The following FAT1 variants were observed in gnomAD, a reference collection of about 807,000 sequenced individuals.
FAT1 encodes the protein FAT atypical cadherin 1.
Under a neutral mutation model 329.8 loss-of-function variants are expected in FAT1, and 171 were observed. The ratio of observed to expected loss-of-function variants is 0.52; its 90% CI spans 0.46 to 0.59. The LOEUF (loss-of-function observed/expected upper bound fraction) is 0.59, where lower values mean the gene tolerates loss of function less well. Among genes scored for constraint, FAT1 ranks in the 20% least tolerant of loss-of-function variants. FAT1 has a pLI of 0.00. For synonymous variants in FAT1, 2,233 were observed against 2,228.6 expected (o/e 1.00, Z -0.06); for missense variants, 5,672 against 5,774.4 (o/e 0.98, Z 0.57).
chr4:186,701,769 A>ATT (rs1305818141), intron 2 of FAT1, among the ~76,000 whole-genome samples: 1 of 152,254 alleles, frequency 6.6e-6, no homozygotes, highest in East Asian at 1.9e-4. Context: ...TATGAGGAAA[A>ATT]GGGTTTCTAA....
At chr4:186,629,535 G>A (rs894286951) in intron 7 of FAT1, among the ~76,000 whole-genome samples, 2 of 152,306 alleles carry the variant, frequency 1.3e-5, no homozygotes, top group African/African-American at 4.8e-5. Flanking sequence ...TTGGCACAGC[G>A]GAAATCACTG....
upstream of FAT1, among the ~76,000 whole-genome samples, chr4:186,725,366 A>G (rs1365162986): frequency 6.6e-6 from 1 of 152,176 alleles, no homozygotes; most frequent in African/African-American, 2.4e-5. The surrounding 1 kb of genome is among the most constrained non-coding windows in gnomAD (Gnocchi z 5.4). Flanking sequence ...CAGTAAAAAA[A>G]GTACAAAGAT....
Position 186,614,226 on chromosome 4 carries a change from G to A in FAT1, c.9194C>T (p.Ser3065Leu). ...ATTTAGTTTGAATTTTTCTGCACCT[G>A]AACCCAATAACGTGTAAGTAATTTC... ...NAEITYTLLG[S>L]GAEKFKLNPD... is the part of the protein sequence containing the mutation. The change falls in exon 12 of 27, where the codon TCA becomes TTA. Residue 3065 changes from serine (S) to leucine (L), a missense_variant. Ser to Leu is a moderately radical substitution (Grantham distance 145, BLOSUM62 -2). Around this residue, in one of 2 missense-constraint regions of FAT1, gnomAD observed 3,966 missense variants for 3,915.2 expected, o/e 1.01. Transcript: ENST00000441802. 6.2e-7 allele frequency: 1 copy of A among 1,600,724 alleles called. No individual in the cohort carries two copies. Among genetic ancestry groups the A allele is most frequent in the Non-Finnish European group, 8.5e-7 (1 of 1,175,902 alleles).
intron 7 of FAT1, among the ~76,000 whole-genome samples, chr4:186,631,776 C>T (rs1400002585): frequency 1.3e-5 from 2 of 152,070 alleles, no homozygotes; most frequent in Admixed American, 6.5e-5. Context: ...CCTAGTGTCT[C>T]GCCGCCCAGC....
intron 1 of FAT1, among the ~76,000 whole-genome samples, chr4:186,720,461 A>C (rs1745417805): frequency 6.6e-6 from 1 of 152,184 alleles, no homozygotes; most frequent in Non-Finnish European, 1.5e-5. Flanking sequence ...TCATCACACC[A>C]CAAGCCACAC....
chr4:186,611,245 A>C, intron 14 of FAT1, 141 bp downstream of exon 14: 1 of 681,292 alleles, frequency 1.5e-6, no homozygotes, highest in South Asian at 2.2e-5. Context: ...CCCACTGTAA[A>C]TAACTAAAAG....
intron 18 of FAT1, 114 bp downstream of exon 18, chr4:186,604,263 T>C: frequency 1.1e-6 from 1 of 897,804 alleles, no homozygotes; most frequent in East Asian, 2.5e-5. Flanking sequence ...ACAGCAATTC[T>C]ATGAAAGTTT....
In FAT1 at chr4:186,623,952, G is replaced by A. The variant is rs116468496; in HGVS notation, c.4811-2177C>T. On this transcript the variant is annotated intron_variant, in intron 9 of 26. Coordinates refer to ENST00000441802, the MANE Select transcript of FAT1 (RefSeq NM_005245.4). ...ACAAGGTTAAACAGGAACCCAGCTCGTGATGGGATACATGAATCCCACATC... is the reference window on the plus strand; with the variant it reads ...ACAAGGTTAAACAGGAACCCAGCTCATGATGGGATACATGAATCCCACATC... Among the ~76,000 whole-genome samples the A allele has an allele frequency of 2.8e-3, 428 of 152,278 alleles. 3 individuals are homozygous for A. Among genetic ancestry groups the A allele is most frequent in the African/African-American group, 9.6e-3 (400 of 41,556 alleles).
chr4:186,724,100 C>G (rs942441437), upstream of FAT1, among the ~76,000 whole-genome samples: 2 of 143,764 alleles, frequency 1.4e-5, no homozygotes, highest in Non-Finnish European at 3.0e-5. The surrounding 1 kb of genome is among the most constrained non-coding windows in gnomAD (Gnocchi z 5.3). Flanking sequence ...CTTGTGATGC[C>G]GAGGTTAGTT....
intron 1 of FAT1, among the ~76,000 whole-genome samples, chr4:186,714,995 G>A (rs1282338065): frequency 2.0e-5 from 3 of 152,030 alleles, no homozygotes; most frequent in African/African-American, 2.4e-5. Flanking sequence ...GGAGAATCGC[G>A]TGAACAAGGG....
In FAT1 at chr4:186,614,196, T is replaced by A. The variant is rs1044666514; in HGVS notation, c.9224A>T (p.Asp3075Val). The change falls in exon 12 of 27, where the codon GAC (aspartate) becomes GTC (valine). Residue 3075 changes from aspartate to valine, a missense_variant. Physicochemically the swap from Asp to Val is radical, Grantham distance 152 (BLOSUM62 -3). Transcript: ENST00000441802. ...SGAEKFKLNP[D>V]TGELKTSTPL... Reference sequence around the variant, plus strand: ...GTCCCAAACTCCATCATTACCTGTGTCTGGATTTAGTTTGAATTTTTCTGC... The same window carrying A: ...GTCCCAAACTCCATCATTACCTGTGACTGGATTTAGTTTGAATTTTTCTGC... The A allele has an allele frequency of 1.3e-6, 2 of 1,598,698 alleles. No homozygotes were observed. Among genetic ancestry groups the A allele is most frequent in the Admixed American group, 3.6e-5 (2 of 55,740 alleles).
chr4:186,590,343 T>C (rs1279999862), intron 26 of FAT1: 1 of 1,283,444 alleles, frequency 7.8e-7, no homozygotes, highest in East Asian at 5.6e-5. Flanking sequence ...TGAGTATCAA[T>C]GAATAACTGG....
At chr4:186,592,761 A>C in intron 26 of FAT1, 1 of 456,714 alleles carries the variant, frequency 2.2e-6, no homozygotes, top group Non-Finnish European at 4.4e-6. Context: ...AGCTTGCAAA[A>C]AGGTACAAAA....
At chr4:186,667,907 C>T (rs1323068819) in intron 2 of FAT1, among the ~76,000 whole-genome samples, 8 of 152,282 alleles carry the variant, frequency 5.3e-5, no homozygotes, top group South Asian at 2.1e-4. Flanking sequence ...CTCCACTGAG[C>T]GGTGGGCTGT....
chr4:186,636,615 A>G lies in FAT1; in HGVS notation c.3942T>C (p.Phe1314=). 1 of 1,612,702 alleles carries G rather than the reference A, an allele frequency of 6.2e-7. No individual in the cohort carries two copies. The highest frequency in any genetic ancestry group is 8.5e-7 in the Non-Finnish European group (1 of 1,179,346). ...GAATATCATATTCTCCAGCTGCTGA[A>G]AACCTCTTGGACGAAACCACTCCAG... ...PKTGVVSSKR[F]SAAGEYDILS... Residue 1314 remains phenylalanine, a synonymous_variant, in exon 5 of 27, where the codon TTT becomes TTC. Transcript: ENST00000441802.
intron 2 of FAT1, among the ~76,000 whole-genome samples, chr4:186,665,764 T>C (rs1742407948): frequency 6.6e-6 from 1 of 152,062 alleles, no homozygotes; most frequent in African/African-American, 2.4e-5. Flanking sequence ...CTATTCACAA[T>C]AGCAAAGACT....
chr4:186,622,815 C>T (rs72716264), intron 9 of FAT1, among the ~76,000 whole-genome samples: 32,908 of 152,150 alleles, frequency 0.22, 4,525 homozygotes, highest in Non-Finnish European at 0.31. Context: ...CAGAATTCAC[C>T]ATCCCTGTCA....
upstream of FAT1, chr4:186,726,540 G>A (rs1406064259): frequency 3.9e-5 from 6 of 152,258 alleles, no homozygotes; most frequent in Non-Finnish European, 1.5e-5. Flanking sequence ...CATCTCCGGA[G>A]GCTTCCGACC....
At chr4:186,631,648 C>T (rs187252217) in intron 7 of FAT1, among the ~76,000 whole-genome samples, 19 of 149,538 alleles carry the variant, frequency 1.3e-4, no homozygotes, top group African/African-American at 2.5e-4. Flanking sequence ...CCCATTCCTG[C>T]GGTATCCTAG....
Sources: allele counts gnomAD v4.1 joint callset (sites outside exome capture counted in the v4.1 genomes callset), GRCh38; gene constraint gnomAD v4.1.1; regional missense constraint gnomAD v4.1.1; non-coding constraint Gnocchi (gnomAD v3.1); transcripts MANE v1.5; gene names NCBI Gene and HGNC (gene_info 2026-07-23, HGNC 2026-07-21).